Variants in RAB3IL1 observed in about 807,000 individuals in gnomAD.
RAB3IL1 encodes RAB3A interacting protein like 1.
In RAB3IL1, 37 loss-of-function variants were observed where a neutral mutation model predicts 49.2. That is an observed-to-expected ratio of 0.75 (90% confidence interval 0.58 to 0.99). The LOEUF (loss-of-function observed/expected upper bound fraction) is 0.99. Among genes scored for constraint, RAB3IL1 ranks in the 50% least tolerant of loss-of-function variants. The pLI, the probability that RAB3IL1 is intolerant of heterozygous loss-of-function variation, is 0.00. For synonymous variants in RAB3IL1, 193 were observed against 213.9 expected, an observed-to-expected ratio of 0.90 and a Z score of 0.85; for missense variants, 484 against 513.0, an observed-to-expected ratio of 0.94 and a Z score of 0.55.
At chr11:61,945,367 A>G in the RAB3IL1 span, among the ~76,000 whole-genome samples, 2 of 152,304 alleles carry the variant, frequency 1.3e-5, no homozygotes, top group African/African-American at 4.8e-5. Context: ...TGGCCACCGC[A>G]GCGCTAAACA....
intron 1 of RAB3IL1, among the ~76,000 whole-genome samples, chr11:61,915,063 T>C (rs918537165): frequency 3.9e-5 from 6 of 152,084 alleles, no homozygotes; most frequent in Admixed American, 1.3e-4. Flanking sequence ...TGGGGGGCCA[T>C]AAAAATACAG....
At chr11:61,944,472 A>G in the RAB3IL1 span, among the ~76,000 whole-genome samples, 1 of 152,082 alleles carries the variant, frequency 6.6e-6, no homozygotes, top group African/African-American at 2.4e-5. Context: ...CAAATGATGT[A>G]ACTGGGCCCC....
At chr11:61,938,661 C>T in the RAB3IL1 span, among the ~76,000 whole-genome samples, 1 of 152,156 alleles carries the variant, frequency 6.6e-6, no homozygotes, top group Non-Finnish European at 1.5e-5. Flanking sequence ...CACAGTGGCT[C>T]ATGCTTCTAA....
chr11:61,915,329 C>T (rs972572069), intron 1 of RAB3IL1, among the ~76,000 whole-genome samples: 4 of 152,060 alleles, frequency 2.6e-5, no homozygotes, highest in African/African-American at 9.7e-5. Flanking sequence ...GGTCCCTGCC[C>T]AGGATATAAG....
In RAB3IL1 at chr11:61,915,614, C is replaced by T. The variant is rs547851914; in HGVS notation, c.11+1743G>A. 1.1e-4 allele frequency among the ~76,000 whole-genome samples: 16 copies of T among 152,302 alleles called. No homozygotes were observed. The East Asian group carries it at 2.1e-3, about 20-fold the overall frequency. On this transcript the variant is annotated intron_variant, in intron 1 of 9. Transcript: ENST00000394836. ...GCTGCTCCCCAAACACAATTCACCC[C>T]GGGCAGGACTGCCCTAACCTCTCCA...
Position 61,904,525 on chromosome 11 carries a change from G to C in RAB3IL1, c.899+21C>G, listed in dbSNP as rs1183451803. The C allele has an allele frequency of 1.9e-6, 3 of 1,580,050 alleles. No individual in the cohort carries two copies. The South Asian group carries it at 3.4e-5, about 18-fold the overall frequency. On this transcript the variant is annotated intron_variant, in intron 7 of 9. Coordinates refer to ENST00000394836, the MANE Select transcript of RAB3IL1 (RefSeq NM_013401.4). ...GGGGCTTTCCCACATGGGCAGGAAG[G>C]AGCTAAGACCCTCAGCTTACTTGGT...
At position 61,917,544 on chromosome 11, in the gene RAB3IL1, C is replaced by T. The variant is rs1188757901; in HGVS notation, c.-177G>A. 2 of 1,106,788 alleles carry T rather than the reference C, an allele frequency of 1.8e-6. No homozygotes were observed. The highest frequency in any genetic ancestry group is 3.3e-5 in the African/African-American group (2 of 60,074). 68.6% of individuals were successfully genotyped at this position (1,106,788 alleles called of 1,614,324 possible). A position where few individuals can be genotyped will look rare whatever the true frequency, so the allele number is the denominator to read the frequency against. Reference sequence around the variant, plus strand: ...GGGCTCGCGGCCCCCAGCCCAGCCCCGACCCTGCCCTGGGCGGGTCACGTG... The same window carrying T: ...GGGCTCGCGGCCCCCAGCCCAGCCCTGACCCTGCCCTGGGCGGGTCACGTG... On this transcript the variant is annotated 5_prime_UTR_variant, in exon 1 of 10. Transcript: ENST00000394836.
At chr11:61,914,795 C>T (rs754031979) in intron 1 of RAB3IL1, among the ~76,000 whole-genome samples, 14 of 152,154 alleles carry the variant, frequency 9.2e-5, no homozygotes, top group African/African-American at 2.9e-4. Flanking sequence ...GGTGAGGAAA[C>T]GAAGCCCAGA....
chr11:61,942,303 CA>C, the RAB3IL1 span, among the ~76,000 whole-genome samples: 1 of 152,180 alleles, frequency 6.6e-6, no homozygotes, highest in African/African-American at 2.4e-5. Context: ...CTCAAGTAAT[CA>C]GGGACACAAA....
At chr11:61,915,931 G>A (rs1269543721) in intron 1 of RAB3IL1, among the ~76,000 whole-genome samples, 5 of 151,898 alleles carry the variant, frequency 3.3e-5, no homozygotes, top group South Asian at 2.1e-4. Context: ...CCAGCTACTC[G>A]GGAAGCTAAG....
At chr11:61,928,761 G>A in the RAB3IL1 span, among the ~76,000 whole-genome samples, 1 of 152,220 alleles carries the variant, frequency 6.6e-6, no homozygotes, top group African/African-American at 2.4e-5. Context: ...CCTCTTTGGA[G>A]GAATGTGTCC....
At chr11:61,940,765 C>T in the RAB3IL1 span, among the ~76,000 whole-genome samples, 5 of 151,958 alleles carry the variant, frequency 3.3e-5, no homozygotes, top group African/African-American at 9.7e-5. Context: ...ACTAAAAATA[C>T]AAAAATTAGC....
chr11:61,936,784 CA>C, the RAB3IL1 span, among the ~76,000 whole-genome samples: 2 of 152,142 alleles, frequency 1.3e-5, no homozygotes, highest in Non-Finnish European at 2.9e-5. Flanking sequence ...CTGAAACCAA[CA>C]AACAAAAGAG....
the RAB3IL1 span, among the ~76,000 whole-genome samples, chr11:61,933,304 G>A: frequency 6.6e-6 from 1 of 152,120 alleles, no homozygotes. Flanking sequence ...TAAGAGGGGG[G>A]CAGAAAGAGA....
At position 61,904,826 on chromosome 11, in the gene RAB3IL1, G is replaced by C; in HGVS notation, c.714C>G (p.Asp238Glu). 6.2e-7 allele frequency: 1 copy of C among 1,611,366 alleles called. No homozygotes were observed. Among genetic ancestry groups the C allele is most frequent in the Non-Finnish European group, 8.5e-7 (1 of 1,178,710 alleles). ...FQAWRESPTL[D>E]KTCPFLERVY... ...CCCTTTCCAGGAAGGGGCAGGTCTT[G>C]TCCAGGGTGGGGGATTCCCTCCAGG... The change falls in exon 6 of 10, where the codon GAC becomes GAG. Residue 238 changes from aspartate to glutamate, a missense_variant. Coordinates refer to ENST00000394836, the MANE Select transcript of RAB3IL1 (RefSeq NM_013401.4).
the RAB3IL1 span, among the ~76,000 whole-genome samples, chr11:61,925,327 A>G: frequency 6.6e-6 from 1 of 152,210 alleles, no homozygotes; most frequent in East Asian, 1.9e-4. Flanking sequence ...TTGAAGAATC[A>G]ATAGGATTTA....
At chr11:61,943,566 G>A in the RAB3IL1 span, among the ~76,000 whole-genome samples, 4 of 152,046 alleles carry the variant, frequency 2.6e-5, no homozygotes, top group Admixed American at 6.6e-5. Context: ...TGTAAATCAC[G>A]TGCTTGATAA....
At chr11:61,926,453 C>T in the RAB3IL1 span, among the ~76,000 whole-genome samples, 1 of 152,186 alleles carries the variant, frequency 6.6e-6, no homozygotes, top group South Asian at 2.1e-4. Flanking sequence ...AAATATGATC[C>T]CCAATGTTGG....
At chr11:61,902,309 G>C (rs1309226295) in intron 8 of RAB3IL1, 133 bp downstream of exon 8, 1 of 798,656 alleles carries the variant, frequency 1.3e-6, no homozygotes, top group Non-Finnish European at 2.0e-6. Context: ...CAAAGACTCT[G>C]TCTCAAAAAA....
Sources: allele counts gnomAD v4.1 joint callset (sites outside exome capture counted in the v4.1 genomes callset), GRCh38; gene constraint gnomAD v4.1.1; transcripts MANE v1.5; gene names NCBI Gene and HGNC (gene_info 2026-07-23, HGNC 2026-07-21).